The following SGCZ variants were observed in gnomAD, a reference collection of about 807,000 sequenced individuals.
SGCZ encodes the protein zeta-sarcoglycan.
SGCZ carries 40 observed loss-of-function variants against 41.3 expected under a neutral mutation model. The observed-to-expected ratio is 0.97, with a 90% CI of 0.75 to 1.26. The LOEUF (loss-of-function observed/expected upper bound fraction) is 1.26. Among genes scored for constraint, SGCZ ranks in the 50% most tolerant of loss-of-function variants. The pLI is 0.00. For missense variants in SGCZ, 552 were observed against 369.8 expected, an observed-to-expected ratio of 1.49 and a Z score of -4.04; for synonymous variants, 206 against 137.5, an observed-to-expected ratio of 1.50 and a Z score of -3.49.
chr8:14,470,156 A>T (rs1801173652), intron 2 of SGCZ, among the ~76,000 whole-genome samples: 1 of 152,040 alleles, frequency 6.6e-6, no homozygotes, highest in South Asian at 2.1e-4. Flanking sequence ...TTAAAAGACA[A>T]CTGGTGTCCA....
At chr8:14,446,214 C>G (rs748216512) in intron 2 of SGCZ, among the ~76,000 whole-genome samples, 2 of 152,146 alleles carry the variant, frequency 1.3e-5, no homozygotes, top group Non-Finnish European at 2.9e-5. Context: ...TGCTGTATCC[C>G]TAAGACCAAA....
At chr8:14,435,826 A>C (rs1334705343) in intron 2 of SGCZ, among the ~76,000 whole-genome samples, 1 of 152,226 alleles carries the variant, frequency 6.6e-6, no homozygotes, top group Non-Finnish European at 1.5e-5. Flanking sequence ...GTATTTATTT[A>C]ACAGGGCTAG....
At chr8:14,408,504 C>T (rs1024386401) in intron 2 of SGCZ, among the ~76,000 whole-genome samples, 1 of 152,124 alleles carries the variant, frequency 6.6e-6, no homozygotes, top group Non-Finnish European at 1.5e-5. Flanking sequence ...ACCGTCTCTC[C>T]CCTGAACTGC....
chr8:15,091,611 A>C (rs1327632868), intron 1 of SGCZ, among the ~76,000 whole-genome samples: 1 of 152,190 alleles, frequency 6.6e-6, no homozygotes, highest in Non-Finnish European at 1.5e-5. Context: ...ACATCCTTCC[A>C]CAGATCTGCT....
At chr8:14,483,350 GC>G (rs1401755081) in intron 2 of SGCZ, among the ~76,000 whole-genome samples, 3 of 152,178 alleles carry the variant, frequency 2.0e-5, no homozygotes, top group African/African-American at 7.2e-5. Context: ...CAGGAGGATG[GC>G]TTGAGCCTAG....
chr8:14,693,305 T>C (rs79996976), intron 1 of SGCZ, among the ~76,000 whole-genome samples: 52 of 151,378 alleles, frequency 3.4e-4, no homozygotes, highest in East Asian at 1.6e-3. Flanking sequence ...TTTTTTTTTT[T>C]CCCCCAGATG....
At chr8:14,244,556 G>C (rs1053905164) in intron 3 of SGCZ, among the ~76,000 whole-genome samples, 1 of 152,002 alleles carries the variant, frequency 6.6e-6, no homozygotes. Flanking sequence ...TTTTGGCTTA[G>C]GATTGACTTG....
chr8:14,377,098 C>A (rs559177153), intron 2 of SGCZ, among the ~76,000 whole-genome samples: 14 of 152,162 alleles, frequency 9.2e-5, no homozygotes, highest in Admixed American at 9.2e-4. Flanking sequence ...CAGCATAGAC[C>A]GGGTTGCAAG....
intron 1 of SGCZ, among the ~76,000 whole-genome samples, chr8:14,588,694 A>G (rs1036696639): frequency 5.9e-5 from 9 of 152,174 alleles, no homozygotes; most frequent in Non-Finnish European, 1.0e-4. Flanking sequence ...AAGAAATGTC[A>G]TCTCTCTGAA....
chr8:14,285,104 G>T (rs570691765), intron 3 of SGCZ, among the ~76,000 whole-genome samples: 1 of 152,198 alleles, frequency 6.6e-6, no homozygotes, highest in Admixed American at 6.5e-5. Context: ...CTAAGACTCA[G>T]CCTTATTAAA....
At chr8:14,119,438 T>C (rs898044288) in intron 5 of SGCZ, among the ~76,000 whole-genome samples, 5 of 152,230 alleles carry the variant, frequency 3.3e-5, no homozygotes, top group Admixed American at 1.3e-4. Flanking sequence ...CTGATTTTGC[T>C]TATGAGCTTA....
chr8:14,379,209 T>C (rs928714593), intron 2 of SGCZ, among the ~76,000 whole-genome samples: 4 of 152,150 alleles, frequency 2.6e-5, no homozygotes, highest in African/African-American at 9.7e-5. Flanking sequence ...TATTATTATA[T>C]ACCTAGGAAA....
intron 1 of SGCZ, among the ~76,000 whole-genome samples, chr8:15,167,486 C>A (rs1278929188): frequency 6.6e-6 from 1 of 152,224 alleles, no homozygotes; most frequent in Non-Finnish European, 1.5e-5. Flanking sequence ...TTTGAGGATG[C>A]AAACCCATGG....
rs35770709 is a variant in SGCZ, at chr8:14,183,289, T to TACAC, written c.425-18591_425-18588dup. 7.3e-4 allele frequency among the ~76,000 whole-genome samples: 110 copies of TACAC among 150,080 alleles called. 3 individuals are homozygous for TACAC. Among genetic ancestry groups the TACAC allele is most frequent in the Admixed American group, 2.4e-3 (36 of 15,026 alleles). On this transcript the variant is annotated intron_variant, in intron 4 of 7. Transcript: ENST00000382080. Reference sequence around the variant, plus strand: ...AGAAATAGTTAAAAATTTTTACATGTACACACACACACACACACACACAGA... The same window carrying TACAC: ...AGAAATAGTTAAAAATTTTTACATGTACACACACACACACACACACACACACAGA...
chr8:14,879,383 A>G (rs74387618), intron 1 of SGCZ: 8,184 of 152,174 alleles, frequency 0.054, 241 homozygotes, highest in Non-Finnish European at 0.067. Context: ...ACAACAAAAC[A>G]AAAGAAAACT....
At chr8:14,221,179 T>C (rs1440706110) in intron 4 of SGCZ, among the ~76,000 whole-genome samples, 3 of 152,188 alleles carry the variant, frequency 2.0e-5, no homozygotes, top group Admixed American at 1.3e-4. Flanking sequence ...GTGTATGTCA[T>C]TGTGTAAGCA....
chr8:14,936,068 C>T (rs2130812759), intron 1 of SGCZ, among the ~76,000 whole-genome samples: 1 of 151,986 alleles, frequency 6.6e-6, no homozygotes, highest in South Asian at 2.1e-4. Flanking sequence ...TTTAAATATT[C>T]AAAATTGCCA....
intron 1 of SGCZ, among the ~76,000 whole-genome samples, chr8:15,215,517 G>C (rs1046094863): frequency 2.6e-5 from 4 of 152,232 alleles, no homozygotes; most frequent in African/African-American, 9.6e-5. Flanking sequence ...ATGCCTATAG[G>C]TGTTTATAGT....
At chr8:14,995,282 TAATA>T (rs1802176093) in intron 1 of SGCZ, among the ~76,000 whole-genome samples, 1 of 152,200 alleles carries the variant, frequency 6.6e-6, no homozygotes, top group Admixed American at 6.5e-5. Flanking sequence ...GACAAAGAAC[TAATA>T]AATGAATGAA....
Sources: allele counts gnomAD v4.1 joint callset (sites outside exome capture counted in the v4.1 genomes callset), GRCh38; gene constraint gnomAD v4.1.1; transcripts MANE v1.5; gene names NCBI Gene and HGNC (gene_info 2026-07-23, HGNC 2026-07-21).